The following SGCZ variants were observed in gnomAD, a reference collection of about 807,000 sequenced individuals.
SGCZ encodes zeta-sarcoglycan.
SGCZ carries 40 observed loss-of-function variants against 41.3 expected under a neutral mutation model. That is an observed-to-expected ratio of 0.97 (90% CI 0.75 to 1.26). The LOEUF (loss-of-function observed/expected upper bound fraction) is 1.26, where lower values mean the gene tolerates loss of function less well. SGCZ is among the 50% of genes most tolerant of loss of function. SGCZ has a pLI of 0.00. For missense variants in SGCZ, 552 were observed against 369.8 expected, an observed-to-expected ratio of 1.49 and a Z score of -4.04; for synonymous variants, 206 against 137.5, an observed-to-expected ratio of 1.50 and a Z score of -3.49.
intron 1 of SGCZ, among the ~76,000 whole-genome samples, chr8:14,594,233 A>G (rs1481318020): frequency 6.6e-6 from 1 of 151,258 alleles, no homozygotes; most frequent in African/African-American, 2.4e-5. Flanking sequence ...AATAAAATAA[A>G]ACAAAATACA....
intron 1 of SGCZ, among the ~76,000 whole-genome samples, chr8:14,757,850 T>C (rs1313116176): frequency 6.6e-6 from 1 of 152,204 alleles, no homozygotes; most frequent in Admixed American, 6.5e-5. Flanking sequence ...GAATGGTAAC[T>C]ATAAAATGGA....
intron 1 of SGCZ, among the ~76,000 whole-genome samples, chr8:14,699,219 A>AGTG (rs1809059790): frequency 6.7e-6 from 1 of 149,720 alleles, no homozygotes; most frequent in African/African-American, 2.4e-5. Context: ...TTTATATATA[A>AGTG]TATATAAATC....
intron 3 of SGCZ, among the ~76,000 whole-genome samples, chr8:14,253,241 AGG>A (rs1563214437): frequency 1.1e-5 from 1 of 90,248 alleles, no homozygotes; most frequent in African/African-American, 5.0e-5. Flanking sequence ...AGTTGTGTGT[AGG>A]GTGTGTGTGT....
chr8:14,449,193 TC>T (rs1183908166), intron 2 of SGCZ, among the ~76,000 whole-genome samples: 1 of 152,206 alleles, frequency 6.6e-6, no homozygotes, highest in Non-Finnish European at 1.5e-5. Context: ...TCAAGGGTTT[TC>T]TGACCACAAC....
intron 1 of SGCZ, among the ~76,000 whole-genome samples, chr8:14,775,473 G>C (rs1475167241): frequency 2.0e-5 from 3 of 151,740 alleles, no homozygotes; most frequent in East Asian, 3.9e-4. Context: ...GTGTGTGTGT[G>C]TGTGTGTGTG....
At position 14,309,278 on chromosome 8, in the gene SGCZ, C is replaced by T. The variant is rs1801447768; in HGVS notation, c.336+14825G>A. ...TATCCAGTTGTCTAGTAATTTAATG[C>T]CTGGCTGTGACTACTCACTTTTTAA... On this transcript the variant is annotated intron_variant, in intron 3 of 7. Transcript: ENST00000382080. 5 of 1,558,260 alleles carry T rather than the reference C, an allele frequency of 3.2e-6. No homozygotes were observed. The South Asian group carries it at 4.5e-5, about 14-fold the overall frequency.
intron 2 of SGCZ, among the ~76,000 whole-genome samples, chr8:14,465,193 G>C (rs1801015005): frequency 6.6e-6 from 1 of 151,580 alleles, no homozygotes; most frequent in Admixed American, 6.6e-5. Flanking sequence ...TTGTACAACT[G>C]TCTGTTTGCC....
At chr8:14,154,441 A>C (rs758137528) in intron 5 of SGCZ, among the ~76,000 whole-genome samples, 3 of 152,170 alleles carry the variant, frequency 2.0e-5, no homozygotes, top group East Asian at 3.9e-4. Context: ...CACTCAGTTC[A>C]TGGTATTTTG....
intron 1 of SGCZ, among the ~76,000 whole-genome samples, chr8:14,875,586 A>G (rs1804326126): frequency 6.6e-6 from 1 of 152,152 alleles, no homozygotes; most frequent in African/African-American, 2.4e-5. Context: ...TAAAATACTA[A>G]GAAAAGCACT....
rs534335690 is a variant in SGCZ, at chr8:14,226,224, T to C, written c.424+11368A>G. ...TAAAAAAAGACAGACATCATGTAAA[T>C]TTGGGAAAAACTTAAAAAGTATTTC... On this transcript the variant is annotated intron_variant, in intron 4 of 7. Transcript: ENST00000382080. Among the ~76,000 whole-genome samples, 270 of 152,168 alleles carry C rather than the reference T, an allele frequency of 1.8e-3. 1 individual carries two copies. The highest frequency in any genetic ancestry group is 6.0e-3 in the African/African-American group (251 of 41,540).
At chr8:14,543,310 T>A (rs2117156983) in intron 2 of SGCZ, among the ~76,000 whole-genome samples, 1 of 152,186 alleles carries the variant, frequency 6.6e-6, no homozygotes, top group African/African-American at 2.4e-5. Context: ...TTCTTTCTAA[T>A]CTATTATTTA....
At chr8:14,433,377 T>G (rs1014817935) in intron 2 of SGCZ, among the ~76,000 whole-genome samples, 9 of 152,198 alleles carry the variant, frequency 5.9e-5, no homozygotes, top group Admixed American at 5.9e-4. Flanking sequence ...TGCCTTTCAG[T>G]AGGAACCACC....
chr8:15,199,427 G>T (rs1329541484), intron 1 of SGCZ, among the ~76,000 whole-genome samples: 1 of 152,078 alleles, frequency 6.6e-6, no homozygotes, highest in Non-Finnish European at 1.5e-5. Flanking sequence ...TTTTAAATTT[G>T]TGTAATAAAG....
chr8:14,616,294 AG>A (rs755033182), intron 1 of SGCZ, among the ~76,000 whole-genome samples: 2 of 147,518 alleles, frequency 1.4e-5, no homozygotes, highest in African/African-American at 2.5e-5. Flanking sequence ...AAAAAAAAAA[AG>A]AAAAAAAGAA....
intron 2 of SGCZ, among the ~76,000 whole-genome samples, chr8:14,462,334 T>C (rs1400464275): frequency 1.3e-5 from 2 of 152,026 alleles, no homozygotes; most frequent in African/African-American, 4.8e-5. Flanking sequence ...ATGTAATTTG[T>C]GTTCCTTTTT....
chr8:15,095,783 T>C (rs1199601798), intron 1 of SGCZ, among the ~76,000 whole-genome samples: 2 of 152,120 alleles, frequency 1.3e-5, no homozygotes, highest in Non-Finnish European at 2.9e-5. Flanking sequence ...TGAATTGCAG[T>C]CGAGGAGTTG....
intron 7 of SGCZ, among the ~76,000 whole-genome samples, chr8:14,102,102 A>T (rs1973168): frequency 9.1e-5 from 8 of 87,770 alleles, no homozygotes; most frequent in Non-Finnish European, 1.2e-4. Context: ...ATATATATAT[A>T]TAATTTTTTT....
chr8:14,559,243 C>T (rs1245833580), intron 1 of SGCZ, among the ~76,000 whole-genome samples: 6 of 152,026 alleles, frequency 3.9e-5, no homozygotes, highest in African/African-American at 1.2e-4. Flanking sequence ...AAAGACCCCT[C>T]CAAAAAGCTC....
At chr8:14,841,558 C>A (rs1441238175) in intron 1 of SGCZ, among the ~76,000 whole-genome samples, 1 of 151,984 alleles carries the variant, frequency 6.6e-6, no homozygotes, top group Non-Finnish European at 1.5e-5. Context: ...AGTAGGTTTC[C>A]ATAAGAAAAA....
Sources: allele counts gnomAD v4.1 joint callset (sites outside exome capture counted in the v4.1 genomes callset), GRCh38; gene constraint gnomAD v4.1.1; transcripts MANE v1.5; gene names NCBI Gene and HGNC (gene_info 2026-07-23, HGNC 2026-07-21).